The following SUCLG2 variants were observed in gnomAD, a reference collection of about 807,000 sequenced individuals.
SUCLG2 encodes the protein succinate--CoA ligase [GDP-forming] subunit beta, mitochondrial.
Under a neutral mutation model 47.9 loss-of-function variants are expected in SUCLG2, and 42 were observed. The ratio of observed to expected loss-of-function variants is 0.88; its 90% CI spans 0.69 to 1.14. SUCLG2 has a LOEUF of 1.14. Ranked by LOEUF, SUCLG2 falls within the 50% of genes most tolerant of loss-of-function variation. The pLI, the probability that SUCLG2 is intolerant of heterozygous loss-of-function variation, is 0.00. For synonymous variants in SUCLG2, 195 were observed against 197.3 expected, an observed-to-expected ratio of 0.99 and a Z score of 0.10; for missense variants, 571 against 525.9, an observed-to-expected ratio of 1.09 and a Z score of -0.84.
chr3:67,490,289 G>A (rs1483609939), intron 9 of SUCLG2, among the ~76,000 whole-genome samples: 1 of 152,152 alleles, frequency 6.6e-6, no homozygotes, highest in African/African-American at 2.4e-5. Flanking sequence ...GACAGCACAA[G>A]TGAATCCTAA....
chr3:67,365,939 C>T (rs547573494), intron 10 of SUCLG2, among the ~76,000 whole-genome samples: 1 of 152,204 alleles, frequency 6.6e-6, no homozygotes, highest in African/African-American at 2.4e-5. Context: ...GGTGATTTTT[C>T]AAAATTGAAT....
At chr3:67,641,197 G>A (rs1027097017) in intron 1 of SUCLG2, among the ~76,000 whole-genome samples, 3 of 152,098 alleles carry the variant, frequency 2.0e-5, no homozygotes, top group African/African-American at 7.2e-5. Context: ...ATTGCAACTC[G>A]TCTGTCTTTA....
chr3:67,464,860 TAA>T (rs1053666631), intron 9 of SUCLG2, among the ~76,000 whole-genome samples: 15 of 152,130 alleles, frequency 9.9e-5, no homozygotes, highest in African/African-American at 3.6e-4. Flanking sequence ...AAGGTGATGG[TAA>T]AAGTCTATGA....
intron 1 of SUCLG2, among the ~76,000 whole-genome samples, chr3:67,616,823 G>A (rs923453025): frequency 6.6e-6 from 1 of 152,182 alleles, no homozygotes; most frequent in African/African-American, 2.4e-5. Context: ...ATAAACTCCT[G>A]CTGTTAGATA....
At chr3:67,467,238 C>A (rs938817116) in intron 9 of SUCLG2, among the ~76,000 whole-genome samples, 3 of 152,292 alleles carry the variant, frequency 2.0e-5, no homozygotes, top group Admixed American at 6.5e-5. Flanking sequence ...CCTCCGAAAT[C>A]TTTTACTATA....
intron 9 of SUCLG2, among the ~76,000 whole-genome samples, chr3:67,470,681 T>C (rs1272456667): frequency 6.6e-6 from 1 of 152,172 alleles, no homozygotes; most frequent in Non-Finnish European, 1.5e-5. Flanking sequence ...CCTAACCAGA[T>C]GGTTGAGCAG....
intron 1 of SUCLG2, among the ~76,000 whole-genome samples, 192 bp from the exon 2 acceptor site, chr3:67,609,788 T>TAC (rs1399878025): frequency 6.6e-6 from 1 of 152,020 alleles, no homozygotes; most frequent in East Asian, 1.9e-4. Flanking sequence ...TAAGGACAAC[T>TAC]ACACACACAC....
chr3:67,453,219 ACTT>A (rs998676326), intron 9 of SUCLG2, among the ~76,000 whole-genome samples: 86 of 94,492 alleles, frequency 9.1e-4, no homozygotes, highest in African/African-American at 2.8e-3. Context: ...GTACATTCAG[ACTT>A]CTTTTTTTTT....
intron 10 of SUCLG2, among the ~76,000 whole-genome samples, chr3:67,393,105 G>A (rs908820622): frequency 2.0e-4 from 30 of 152,362 alleles, no homozygotes; most frequent in African/African-American, 5.8e-4. Context: ...CAGAAGACGG[G>A]TGATTTCTGC....
intron 2 of SUCLG2, among the ~76,000 whole-genome samples, chr3:67,537,061 T>C (rs1182435399): frequency 6.6e-6 from 1 of 152,248 alleles, no homozygotes; most frequent in Admixed American, 6.5e-5. Flanking sequence ...TTTAAAATTA[T>C]ACTTTAGGTT....
intron 2 of SUCLG2, among the ~76,000 whole-genome samples, chr3:67,562,404 A>G (rs186193632): frequency 1.6e-4 from 24 of 152,122 alleles, no homozygotes; most frequent in Non-Finnish European, 2.8e-4. Flanking sequence ...CAGCTTCCCA[A>G]GTAGCTGGGA....
At chr3:67,579,826 A>T (rs2107255146) in intron 2 of SUCLG2, among the ~76,000 whole-genome samples, 1 of 152,330 alleles carries the variant, frequency 6.6e-6, no homozygotes, top group Non-Finnish European at 1.5e-5. Flanking sequence ...TGTTTAAAAA[A>T]ATTAACTTAC....
intron 9 of SUCLG2, among the ~76,000 whole-genome samples, chr3:67,419,401 G>A (rs966733612): frequency 1.3e-5 from 2 of 152,128 alleles, no homozygotes; most frequent in South Asian, 2.1e-4. Flanking sequence ...ACAAACTACA[G>A]TGAATCAGAA....
intron 2 of SUCLG2, among the ~76,000 whole-genome samples, chr3:67,562,528 G>A (rs1378373758): frequency 4.6e-5 from 7 of 152,098 alleles, no homozygotes; most frequent in South Asian, 2.1e-4. Flanking sequence ...TCCACCTGCC[G>A]CAGCCTCCCA....
chr3:67,433,862 T>A (rs1359582855), intron 9 of SUCLG2, among the ~76,000 whole-genome samples: 1 of 151,866 alleles, frequency 6.6e-6, no homozygotes, highest in Non-Finnish European at 1.5e-5. Flanking sequence ...TACAAAAACA[T>A]CTATAAAACA....
At chr3:67,532,711 C>G (rs1417152931) in intron 2 of SUCLG2, among the ~76,000 whole-genome samples, 2 of 152,104 alleles carry the variant, frequency 1.3e-5, no homozygotes, top group African/African-American at 4.8e-5. Context: ...ATCTGACAAA[C>G]TTATAAATAT....
intron 1 of SUCLG2, among the ~76,000 whole-genome samples, chr3:67,617,968 C>T (rs1575820375): frequency 6.6e-6 from 1 of 152,234 alleles, no homozygotes; most frequent in Middle Eastern, 3.4e-3. Context: ...TAATAGTGCC[C>T]ACTGAGCCCT....
At chr3:67,466,006 T>C (rs1323016462) in intron 9 of SUCLG2, among the ~76,000 whole-genome samples, 1 of 152,160 alleles carries the variant, frequency 6.6e-6, no homozygotes, top group Non-Finnish European at 1.5e-5. Context: ...CACCAAGCAG[T>C]ACTCTTTTAA....
intron 2 of SUCLG2, among the ~76,000 whole-genome samples, chr3:67,535,015 C>T (rs1390247329): frequency 6.6e-6 from 1 of 152,022 alleles, no homozygotes; most frequent in African/African-American, 2.4e-5. Flanking sequence ...TTATGATATA[C>T]ATTGACAGTA....
Sources: gnomAD v4.1 joint callset for allele counts (sites outside exome capture counted in the v4.1 genomes callset) on GRCh38, gnomAD v4.1.1 for gene constraint, MANE v1.5 for transcripts, NCBI Gene and HGNC (gene_info 2026-07-23, HGNC 2026-07-21) for gene names.